NRG1: variants seen among roughly 807,000 people sequenced by gnomAD.
The protein encoded by NRG1 is pro-neuregulin-1, membrane-bound isoform.
In NRG1, 18 loss-of-function variants were observed where a neutral mutation model predicts 63.8. The observed-to-expected ratio is 0.28, with a 90% CI of 0.19 to 0.42. NRG1 has a LOEUF of 0.42. NRG1 is among the 10% of genes least tolerant of loss of function. The pLI is 1.00. For synonymous variants in NRG1, 302 were observed against 301.3 expected (o/e 1.00, Z -0.02); for missense variants, 762 against 814.7 (o/e 0.94, Z 0.79).
At chr8:32,104,007 C>G (rs774065223) in intron 1 of NRG1, among the ~76,000 whole-genome samples, 1 of 152,170 alleles carries the variant, frequency 6.6e-6, no homozygotes, top group Non-Finnish European at 1.5e-5. Flanking sequence ...GTCTCTGGAA[C>G]TAGACGATTC....
At chr8:31,962,339 C>T (rs1280893937) in intron 1 of NRG1, among the ~76,000 whole-genome samples, 3 of 152,120 alleles carry the variant, frequency 2.0e-5, no homozygotes, top group Admixed American at 1.3e-4. Flanking sequence ...ACAAGTGACA[C>T]CCTGGTTGAC....
intron 1 of NRG1, among the ~76,000 whole-genome samples, chr8:31,886,752 T>A (rs962336856): frequency 6.6e-6 from 1 of 152,062 alleles, no homozygotes; most frequent in Non-Finnish European, 1.5e-5. Context: ...ATGATTCGAA[T>A]GCATGCTCTA....
chr8:32,523,498 T>C (rs1830530231), intron 1 of NRG1, among the ~76,000 whole-genome samples: 1 of 152,248 alleles, frequency 6.6e-6, no homozygotes, highest in Admixed American at 6.5e-5. Flanking sequence ...TGGTAATTTC[T>C]AGTACGGTAA....
intron 1 of NRG1, among the ~76,000 whole-genome samples, chr8:31,696,679 T>C (rs1341503446): frequency 6.6e-6 from 1 of 152,172 alleles, no homozygotes; most frequent in Non-Finnish European, 1.5e-5. Flanking sequence ...CTTGTGTTCT[T>C]GTAGGTCTGT....
chr8:32,123,524 A>T (rs1425669480), intron 1 of NRG1, among the ~76,000 whole-genome samples: 1 of 151,434 alleles, frequency 6.6e-6, no homozygotes, highest in Non-Finnish European at 1.5e-5. Flanking sequence ...GTATGTCTTC[A>T]TTAGCAGCGT....
intron 1 of NRG1, among the ~76,000 whole-genome samples, chr8:32,040,647 G>GTATGTATA (rs1156352990): frequency 6.3e-5 from 9 of 141,830 alleles, no homozygotes; most frequent in African/African-American, 2.1e-4. Flanking sequence ...GTATATATAT[G>GTATGTATA]TATGTATATA....
intron 1 of NRG1, among the ~76,000 whole-genome samples, chr8:32,253,888 G>T (rs2347068): frequency 6.6e-6 from 1 of 151,732 alleles, no homozygotes; most frequent in Non-Finnish European, 1.5e-5. Context: ...GTCTATTCAG[G>T]GATTTGACTT....
chr8:32,440,454 C>A (rs1819392429), intron 1 of NRG1, among the ~76,000 whole-genome samples: 1 of 152,116 alleles, frequency 6.6e-6, no homozygotes, highest in African/African-American at 2.4e-5. Flanking sequence ...CCAGTACACC[C>A]AGCCAAGAAG....
In NRG1 at chr8:32,368,179, C is replaced by T. The variant is rs561879223; in HGVS notation, c.38-227649C>T. ...AAAAATACTTCCAAAGAAAAAAGTG[C>T]AAAAGTTTATATTAGCTTACTATAG... On this transcript the variant is annotated intron_variant, in intron 1 of 10. Coordinates refer to the NRG1 transcript ENST00000519301. 1.2e-3 allele frequency among the ~76,000 whole-genome samples: 181 copies of T among 152,200 alleles called. 1 individual carries two copies. Among genetic ancestry groups the T allele is most frequent in the African/African-American group, 4.3e-3 (178 of 41,546 alleles).
intron 1 of NRG1, among the ~76,000 whole-genome samples, chr8:32,008,622 C>T (rs551810041): frequency 1.3e-5 from 2 of 152,022 alleles, no homozygotes; most frequent in Admixed American, 6.6e-5. Flanking sequence ...GAAAAGTTTT[C>T]GGTGACTCGT....
intron 11 of NRG1, chr8:32,763,444 T>G: frequency 7.1e-7 from 1 of 1,411,384 alleles, no homozygotes; most frequent in Non-Finnish European, 9.7e-7. Flanking sequence ...CAGGACCTAA[T>G]GCCTTCTTGT....
At chr8:32,117,377 G>A (rs1452888472) in intron 1 of NRG1, among the ~76,000 whole-genome samples, 3 of 151,992 alleles carry the variant, frequency 2.0e-5, no homozygotes, top group Non-Finnish European at 4.4e-5. Flanking sequence ...GGTTGTTGTC[G>A]AATTTACTTT....
chr8:32,100,820 C>T (rs1005981146), intron 1 of NRG1, among the ~76,000 whole-genome samples: 1 of 152,064 alleles, frequency 6.6e-6, no homozygotes, highest in Non-Finnish European at 1.5e-5. Context: ...CTTGGTTGTT[C>T]GTGATATCTG....
Position 32,247,269 on chromosome 8 carries a change from G to A in NRG1, c.38-348559G>A, listed in dbSNP as rs143093284. ...GACATCGGGACTCAAAGAAAAACAC[G>A]TTATGGACATAAAAGCCTTTGATGA... On this transcript the variant is annotated intron_variant, in intron 1 of 10. Coordinates refer to the NRG1 transcript ENST00000519301. Among the ~76,000 whole-genome samples, 6 of 152,092 alleles carry A rather than the reference G, an allele frequency of 3.9e-5. No homozygotes were observed. The East Asian group carries it at 1.2e-3, about 29-fold the overall frequency.
At chr8:32,277,499 G>GT (rs1363159250) in intron 1 of NRG1, among the ~76,000 whole-genome samples, 2 of 152,100 alleles carry the variant, frequency 1.3e-5, no homozygotes, top group African/African-American at 2.4e-5. Context: ...TCCTAGCTAA[G>GT]TTTTTTACCT....
intron 1 of NRG1, among the ~76,000 whole-genome samples, chr8:32,374,826 T>C (rs923011555): frequency 2.6e-5 from 4 of 152,112 alleles, no homozygotes; most frequent in African/African-American, 9.7e-5. Flanking sequence ...CTCTGTAATG[T>C]AGGGAAGCAG....
At chr8:32,480,040 A>G (rs1825054387) in intron 1 of NRG1, among the ~76,000 whole-genome samples, 1 of 152,138 alleles carries the variant, frequency 6.6e-6, no homozygotes, top group African/African-American at 2.4e-5. Context: ...TAGACATCCA[A>G]TATTTTGGTA....
intron 5 of NRG1, among the ~76,000 whole-genome samples, chr8:32,658,360 G>A (rs1802023572): frequency 6.6e-6 from 1 of 152,124 alleles, no homozygotes; most frequent in Non-Finnish European, 1.5e-5. Context: ...CATTTTAAAT[G>A]GGATTTATTG....
chr8:32,481,357 T>C (rs73252762), intron 1 of NRG1, among the ~76,000 whole-genome samples: 42 of 151,150 alleles, frequency 2.8e-4, no homozygotes, highest in Middle Eastern at 3.4e-3. Flanking sequence ...AATAAATAAA[T>C]AAACAAACAA....
Sources: gnomAD v4.1 joint callset for allele counts (sites outside exome capture counted in the v4.1 genomes callset) on GRCh38, gnomAD v4.1.1 for gene constraint, MANE v1.5 for transcripts, NCBI Gene and HGNC (gene_info 2026-07-23, HGNC 2026-07-21) for gene names.